The following CADM1 variants were observed in gnomAD, a reference collection of about 807,000 sequenced individuals.
CADM1 encodes the protein TSLC-1.
Under a neutral mutation model 53.1 loss-of-function variants are expected in CADM1, and 15 were observed. The observed-to-expected ratio is 0.28, with a 90% CI of 0.19 to 0.44. The LOEUF (loss-of-function observed/expected upper bound fraction) is 0.44, where lower values mean the gene tolerates loss of function less well. Among genes scored for constraint, CADM1 ranks in the 20% least tolerant of loss-of-function variants. CADM1 has a pLI of 1.00. For synonymous variants in CADM1, 281 were observed against 243.0 expected (o/e 1.16, Z -1.45); for missense variants, 434 against 611.3 (o/e 0.71, Z 3.06).
intron 1 of CADM1, among the ~76,000 whole-genome samples, chr11:115,458,215 T>C (rs1948720472): frequency 6.6e-6 from 1 of 151,974 alleles, no homozygotes; most frequent in African/African-American, 2.4e-5. Context: ...GTAACTATAA[T>C]TATAAAGGCT....
intron 1 of CADM1, among the ~76,000 whole-genome samples, chr11:115,494,115 G>A (rs1293139121): frequency 1.3e-5 from 2 of 152,144 alleles, no homozygotes; most frequent in South Asian, 2.1e-4. Context: ...AAAAAGATGA[G>A]TATGTGTGTA....
At chr11:115,443,948 G>A (rs1186567591) in intron 1 of CADM1, among the ~76,000 whole-genome samples, 1 of 152,118 alleles carries the variant, frequency 6.6e-6, no homozygotes, top group African/African-American at 2.4e-5. Flanking sequence ...GACAAAAGGT[G>A]GTTGGTCGGG....
intron 1 of CADM1, among the ~76,000 whole-genome samples, chr11:115,376,426 T>C (rs1946439385): frequency 6.6e-6 from 1 of 152,180 alleles, no homozygotes; most frequent in Non-Finnish European, 1.5e-5. Flanking sequence ...TTAGAGGATG[T>C]TTCTACATAG....
intron 1 of CADM1, among the ~76,000 whole-genome samples, chr11:115,501,402 C>G (rs186142708): frequency 2.6e-5 from 4 of 152,274 alleles, no homozygotes; most frequent in African/African-American, 9.6e-5. Context: ...CCATCACCAC[C>G]ATAAATCCCC....
At chr11:115,235,998 A>G (rs1272794379) in intron 3 of CADM1, among the ~76,000 whole-genome samples, 1 of 152,204 alleles carries the variant, frequency 6.6e-6, no homozygotes, top group African/African-American at 2.4e-5. Flanking sequence ...GAGTCTTCAG[A>G]TTTTACATGG....
chr11:115,174,243 C>T lies in CADM1; in HGVS notation c.*2231G>A, dbSNP rs1482115248. ...GATGGGAGGTCCCAAAAATGAGATG[C>T]CAATTCTGTGAGCAATGGTGTGATT... On this transcript the variant is annotated 3_prime_UTR_variant, in exon 12 of 12. Transcript: ENST00000331581. 2.0e-6 allele frequency: 2 copies of T among 984,694 alleles called. No individual in the cohort carries two copies. The highest frequency in any genetic ancestry group is 1.8e-5 in the African/African-American group (1 of 56,962). 61.0% of individuals were successfully genotyped at this position (984,694 alleles called of 1,614,324 possible).
intron 1 of CADM1, among the ~76,000 whole-genome samples, chr11:115,393,219 CAAG>C (rs750717645): frequency 6.7e-6 from 1 of 149,054 alleles, no homozygotes; most frequent in Admixed American, 6.7e-5. Context: ...TAAATAAAAA[CAAG>C]AAGAGTCTAA....
intron 1 of CADM1, among the ~76,000 whole-genome samples, chr11:115,292,765 G>T (rs961304701): frequency 6.6e-6 from 1 of 152,128 alleles, no homozygotes; most frequent in Admixed American, 6.5e-5. Context: ...AGTCAATGGG[G>T]GACCCAGAAC....
chr11:115,266,446 G>A (rs771273826), intron 1 of CADM1, among the ~76,000 whole-genome samples: 6 of 152,312 alleles, frequency 3.9e-5, no homozygotes, highest in Middle Eastern at 3.4e-3. Context: ...TGAGAGCCCC[G>A]TGGGAGTGCT....
At chr11:115,467,737 T>C (rs1265659535) in intron 1 of CADM1, among the ~76,000 whole-genome samples, 1 of 152,220 alleles carries the variant, frequency 6.6e-6, no homozygotes, top group African/African-American at 2.4e-5. Context: ...AATACTCTCA[T>C]CCTATTCTGA....
Position 115,214,788 on chromosome 11 carries a change from G to C in CADM1, c.822-8C>G. 1 of 1,613,490 alleles carries C rather than the reference G, an allele frequency of 6.2e-7. No individual in the cohort carries two copies. Among genetic ancestry groups the C allele is most frequent in the Non-Finnish European group, 8.5e-7 (1 of 1,179,686 alleles). ...CAAGTTACCATCACAGGCCTGCAGG[G>C]GGAAGGGGAGGAAGACAAGTCACAT... On this transcript the variant is annotated splice_region_variant and splice_polypyrimidine_tract_variant and intron_variant, in intron 6 of 11. Transcript: ENST00000331581.
chr11:115,332,375 G>A (rs1348177363), intron 1 of CADM1, among the ~76,000 whole-genome samples: 1 of 152,150 alleles, frequency 6.6e-6, no homozygotes, highest in Non-Finnish European at 1.5e-5. Flanking sequence ...GCATGTGTGT[G>A]CACAGCCAAA....
chr11:115,439,473 C>T (rs1170143116), intron 1 of CADM1, among the ~76,000 whole-genome samples: 2 of 152,172 alleles, frequency 1.3e-5, no homozygotes, highest in Non-Finnish European at 2.9e-5. Context: ...CCATGAATCA[C>T]CAATTTGCAT....
chr11:115,340,512 G>T, intron 1 of CADM1, among the ~76,000 whole-genome samples: 1 of 138,796 alleles, frequency 7.2e-6, no homozygotes, highest in Admixed American at 7.2e-5. Context: ...GGGTGGGGTT[G>T]TGGAAAGAAA....
At chr11:115,437,364 G>A (rs568042286) in intron 1 of CADM1, among the ~76,000 whole-genome samples, 3 of 152,310 alleles carry the variant, frequency 2.0e-5, no homozygotes, top group South Asian at 4.1e-4. Flanking sequence ...GACAAGACAT[G>A]AGTCCAATTC....
intron 1 of CADM1, among the ~76,000 whole-genome samples, chr11:115,376,727 C>G (rs1337121102): frequency 6.6e-6 from 1 of 152,094 alleles, no homozygotes; most frequent in Non-Finnish European, 1.5e-5. Flanking sequence ...ACCAGAGAGC[C>G]ATGAAAAGTA....
chr11:115,332,687 C>T (rs1180864033), intron 1 of CADM1, among the ~76,000 whole-genome samples: 2 of 152,118 alleles, frequency 1.3e-5, no homozygotes, highest in African/African-American at 4.8e-5. Context: ...GGGGAGTACC[C>T]TTAACCCATC....
At chr11:115,344,359 C>G in intron 1 of CADM1, among the ~76,000 whole-genome samples, 1 of 152,178 alleles carries the variant, frequency 6.6e-6, no homozygotes, top group East Asian at 1.9e-4. Flanking sequence ...TATCATTTCT[C>G]TAAGTCCGGT....
chr11:115,393,833 T>G (rs45578937), intron 1 of CADM1, among the ~76,000 whole-genome samples: 5,740 of 152,152 alleles, frequency 0.038, 163 homozygotes, highest in South Asian at 0.074. Context: ...ACCATGAATA[T>G]AAACTAAAGT....
Sources: gnomAD v4.1 joint callset for allele counts (sites outside exome capture counted in the v4.1 genomes callset) on GRCh38, gnomAD v4.1.1 for gene constraint, MANE v1.5 for transcripts, NCBI Gene and HGNC (gene_info 2026-07-23, HGNC 2026-07-21) for gene names.